The following GATA3 variants were observed in gnomAD, a reference collection of about 807,000 sequenced individuals.
GATA3 encodes the protein trans-acting T-cell-specific transcription factor GATA-3.
Under a neutral mutation model 36.0 loss-of-function variants are expected in GATA3, and 6 were observed. The ratio of observed to expected loss-of-function variants is 0.17; its 90% CI spans 0.09 to 0.33. GATA3 has a LOEUF of 0.33. Among genes scored for constraint, GATA3 ranks in the 10% least tolerant of loss-of-function variants. The pLI is 1.00. For missense variants in GATA3, 514 were observed against 610.1 expected (o/e 0.84, Z 1.66); for synonymous variants, 326 against 273.0 (o/e 1.19, Z -1.92).
intron 1 of GATA3, among the ~76,000 whole-genome samples, chr10:8,046,647 C>CTGTGTGTGTG (rs1564392141): frequency 1.5e-4 from 14 of 93,938 alleles, no homozygotes; most frequent in Non-Finnish European, 2.0e-4. Flanking sequence ...AAATGGCTGG[C>CTGTGTGTGTG]AGTGTGTGTG....
intron 3 of GATA3, among the ~76,000 whole-genome samples, chr10:8,061,692 C>T (rs1445631723): frequency 6.6e-6 from 1 of 152,240 alleles, no homozygotes; most frequent in Non-Finnish European, 1.5e-5. Context: ...GTGTGCAGAA[C>T]CTTGTTGAAG....
rs977949174 is a variant in GATA3, at chr10:8,074,461, T to C, written c.*438T>C. 4.1e-6 allele frequency: 1 copy of C among 241,702 alleles called. No individual in the cohort carries two copies. Among genetic ancestry groups the C allele is most frequent in the Non-Finnish European group, 8.0e-6 (1 of 124,294 alleles). The allele number at this position is 241,702 out of a possible 1,614,324, so 15.0% of individuals were successfully genotyped here. A position where few individuals can be genotyped will look rare whatever the true frequency, so the allele number is the denominator to read the frequency against. On this transcript the variant is annotated 3_prime_UTR_variant, in exon 6 of 6. Coordinates refer to ENST00000379328, the MANE Select transcript of GATA3 (RefSeq NM_001002295.2). ...ATTCAAATGGACAAACTGCCAGTTTTGTTTCCTTTCACTGGCCACAGTTGT... is the reference window on the plus strand; with the variant it reads ...ATTCAAATGGACAAACTGCCAGTTTCGTTTCCTTTCACTGGCCACAGTTGT...
intron 4 of GATA3, 65 bp downstream of exon 4, chr10:8,064,203 G>T: frequency 6.2e-7 from 1 of 1,600,862 alleles, no homozygotes; most frequent in Non-Finnish European, 8.6e-7. Flanking sequence ...CCTCTCTTCC[G>T]GAAGGACAGC....
At chr10:8,049,235 T>C (rs950099877), upstream of GATA3, among the ~76,000 whole-genome samples, 2 of 151,986 alleles carry the variant, frequency 1.3e-5, no homozygotes, top group African/African-American at 4.8e-5. Context: ...CGCGTGGGCG[T>C]GGGAGCCGCG....
chr10:8,060,495 C>G (rs185769164), intron 3 of GATA3, among the ~76,000 whole-genome samples: 34 of 151,480 alleles, frequency 2.2e-4, no homozygotes, highest in African/African-American at 8.0e-4. Context: ...GAGAGCAGAC[C>G]TATGCATTTT....
intron 1 of GATA3, among the ~76,000 whole-genome samples, chr10:8,046,447 C>G (rs1003830251): frequency 1.3e-5 from 2 of 152,146 alleles, no homozygotes; most frequent in Non-Finnish European, 2.9e-5. Flanking sequence ...CCATGCTCAC[C>G]AGGATGCTGG....
chr10:8,073,695 A>G (rs890038716), intron 5 of GATA3, 44 bp from the exon 6 acceptor site: 2 of 1,556,592 alleles, frequency 1.3e-6, no homozygotes, highest in Admixed American at 3.6e-5. Flanking sequence ...TTTCAGAGGC[A>G]GCAAAAAAGT....
Position 8,055,475 on chromosome 10 carries a change from A to G in GATA3, c.-181A>G. ...AACGACCCCTCCAAGATAATTTTTA[A>G]AAAACCTTCTCCTTTGCTCACCTTT... On this transcript the variant is annotated 5_prime_UTR_variant, in exon 2 of 6. Coordinates refer to ENST00000379328, the MANE Select transcript of GATA3 (RefSeq NM_001002295.2). The surrounding 1 kb of genome is among the most constrained non-coding windows in gnomAD (Gnocchi z 5.4). 1 of 699,638 alleles carries G rather than the reference A, an allele frequency of 1.4e-6. No homozygotes were observed. Among genetic ancestry groups the G allele is most frequent in the East Asian group, 2.8e-5 (1 of 36,250 alleles). The allele number at this position is 699,638 out of a possible 1,614,324, so 43.3% of individuals were successfully genotyped here.
chr10:8,069,193 C>T (rs935041967), intron 4 of GATA3, among the ~76,000 whole-genome samples: 5 of 152,198 alleles, frequency 3.3e-5, no homozygotes, highest in East Asian at 3.9e-4. Flanking sequence ...GCTAAGACTG[C>T]CAGGGAGGAG....
intron 4 of GATA3, among the ~76,000 whole-genome samples, chr10:8,064,426 A>G (rs3781091): frequency 0.012 from 1,777 of 148,260 alleles, 111 homozygotes; most frequent in Admixed American, 0.1. Flanking sequence ...ATTCTTGGTT[A>G]TCAAATCTGC....
At position 8,055,277 on chromosome 10, in the gene GATA3, T is replaced by C. The variant is rs1337531228; in HGVS notation, c.-369-10T>C. On this transcript the variant is annotated splice_polypyrimidine_tract_variant and intron_variant, in intron 1 of 5. Coordinates refer to ENST00000379328, the MANE Select transcript of GATA3 (RefSeq NM_001002295.2). This position sits in a 1 kb window ranked among gnomAD's most constrained non-coding sequence, Gnocchi z 5.4. The stretch of plus-strand genomic sequence containing the variant: ...GGGCTCATCCAGGTCTCCCATTCTC[T>C]CCCTTGCAGGTGACCCGAGGAGGGA... 5.1e-6 allele frequency: 2 copies of C among 391,250 alleles called. No individual in the cohort carries two copies. The highest frequency in any genetic ancestry group is 9.3e-6 in the Non-Finnish European group (2 of 215,062). 24.2% of individuals were successfully genotyped at this position (391,250 alleles called of 1,614,324 possible). A position where few individuals can be genotyped will look rare whatever the true frequency, so the allele number is the denominator to read the frequency against.
intron 3 of GATA3, among the ~76,000 whole-genome samples, chr10:8,060,128 G>A (rs1832723118): frequency 6.6e-6 from 1 of 152,194 alleles, no homozygotes; most frequent in African/African-American, 2.4e-5. Flanking sequence ...CATTCACTCC[G>A]ACTGCCTGAG....
rs199565632 is a variant in GATA3, at chr10:8,058,765, C to A, written c.702C>A (p.Phe234Leu). The A allele has an allele frequency of 6.2e-7, 1 of 1,609,624 alleles. No individual in the cohort carries two copies. The highest frequency in any genetic ancestry group is 1.3e-5 in the African/African-American group (1 of 74,884). ...TGCCCGAGTACAGCTCCGGACTCTT[C>A]CCCCCCAGCAGCCTGCTGGGCGGCT... The part of the protein sequence containing the change: ...PYVPEYSSGL[F>L]PPSSLLGGSP... Residue 234 changes from phenylalanine to leucine, a missense_variant, in exon 3 of 6, where the codon TTC becomes TTA. Phe to Leu is a conservative substitution (Grantham distance 22). Around this residue, in one of 3 missense-constraint regions of GATA3, gnomAD observed 381 missense variants for 354.3 expected, o/e 1.08. Coordinates refer to ENST00000379328, the MANE Select transcript of GATA3 (RefSeq NM_001002295.2).
At chr10:8,064,288 T>C in intron 4 of GATA3, 150 bp downstream of exon 4, 3 of 182,452 alleles carry the variant, frequency 1.6e-5, no homozygotes, top group Non-Finnish European at 2.7e-5. Context: ...TTTTCCTTTT[T>C]CTTTCTTTCT....
At chr10:8,070,956 G>C (rs1339429208) in intron 5 of GATA3, among the ~76,000 whole-genome samples, 1 of 152,182 alleles carries the variant, frequency 6.6e-6, no homozygotes, top group African/African-American at 2.4e-5. Context: ...GACTACAGTA[G>C]AGATAGAGAT....
At chr10:8,065,019 T>G (rs1020417618) in intron 4 of GATA3, among the ~76,000 whole-genome samples, 7 of 152,070 alleles carry the variant, frequency 4.6e-5, no homozygotes, top group African/African-American at 1.7e-4. Context: ...AAATAACAAC[T>G]CTAGCCACAG....
chr10:8,050,082 C>G (rs892109330), upstream of GATA3, among the ~76,000 whole-genome samples: 6 of 152,198 alleles, frequency 3.9e-5, no homozygotes, highest in Non-Finnish European at 8.8e-5. Flanking sequence ...TCGCCCTTTA[C>G]AATTCCCACA....
chr10:8,055,707 G>A lies in GATA3; in HGVS notation c.52G>A (p.Val18Met), dbSNP rs1415426826. The change falls in exon 2 of 6, where the codon GTG becomes ATG. Residue 18 changes from valine to methionine, a missense_variant. Val to Met is a conservative substitution (Grantham distance 21). Coordinates refer to ENST00000379328, the MANE Select transcript of GATA3 (RefSeq NM_001002295.2). The surrounding 1 kb of genome is among the most constrained non-coding windows in gnomAD (Gnocchi z 5.4). ...CTGGGTGAGCCACCACCACCCCGCC[G>A]TGCTCAACGGGCAGCACCCGGACAC... is the stretch of plus-strand genomic sequence containing the variant. Reference protein sequence around the residue: ...PRWVSHHHPAVLNGQHPDTHH... With the variant: ...PRWVSHHHPAMLNGQHPDTHH... The A allele has an allele frequency of 1.3e-6, 2 of 1,564,190 alleles. No individual in the cohort carries two copies. The highest frequency in any genetic ancestry group is 2.4e-5 in the South Asian group (2 of 85,094).
rs560531559 is a variant in GATA3, at chr10:8,055,871, G to T, written c.216G>T (p.Val72=). 3.1e-4 allele frequency: 486 copies of T among 1,568,256 alleles called. 6 individuals carry two copies. In the South Asian group the frequency reaches 4.3e-3, roughly 14 times the overall value. The stretch of plus-strand genomic sequence containing the variant: ...ACGGAAACTCGGTCAGGGCCACGGT[G>T]CAGAGGTACCCTCCGACCCACCACG... The part of the protein sequence containing the change: ...PYYGNSVRAT[V]QRYPPTHHGS... The change falls in exon 2 of 6, where the codon GTG becomes GTT. Residue 72 remains valine (V), a synonymous_variant. Coordinates refer to ENST00000379328, the MANE Select transcript of GATA3 (RefSeq NM_001002295.2). This position sits in a 1 kb window ranked among gnomAD's most constrained non-coding sequence, Gnocchi z 5.4.
Sources: gnomAD v4.1 joint callset for allele counts (sites outside exome capture counted in the v4.1 genomes callset) on GRCh38, gnomAD v4.1.1 for gene constraint, gnomAD v4.1.1 regional missense constraint, Gnocchi (gnomAD v3.1) non-coding constraint, MANE v1.5 for transcripts, NCBI Gene and HGNC (gene_info 2026-07-23, HGNC 2026-07-21) for gene names.